Variants in MARCHF8 observed in about 807,000 individuals in gnomAD.
MARCHF8 encodes membrane associated ring-CH-type finger 8, also known as E3 ubiquitin-protein ligase MARCHF8.
Under a neutral mutation model 51.6 loss-of-function variants are expected in MARCHF8, and 40 were observed. The ratio of observed to expected loss-of-function variants is 0.77; its 90% CI spans 0.60 to 1.01. The LOEUF (loss-of-function observed/expected upper bound fraction) is 1.01. Among genes scored for constraint, MARCHF8 ranks in the 50% least tolerant of loss-of-function variants. The pLI, the probability that MARCHF8 is intolerant of heterozygous loss-of-function variation, is 0.00. For missense variants in MARCHF8, 685 were observed against 708.6 expected (o/e 0.97, Z 0.38); for synonymous variants, 263 against 280.3 (o/e 0.94, Z 0.62).
intron 2 of MARCHF8, among the ~76,000 whole-genome samples, chr10:45,508,617 T>C (rs953652388): frequency 1.3e-5 from 2 of 152,108 alleles, no homozygotes; most frequent in African/African-American, 4.8e-5. Flanking sequence ...GGAGATGGAG[T>C]TTCATTAATA....
intron 1 of MARCHF8, among the ~76,000 whole-genome samples, chr10:45,568,097 ATGCTACTGATTT>A (rs1324879013): frequency 6.6e-6 from 1 of 152,224 alleles, no homozygotes; most frequent in Non-Finnish European, 1.5e-5. Flanking sequence ...ACAAATAGAA[ATGCTACTGATTT>A]TGGTACGTTA....
At chr10:45,487,826 G>A (rs1260113560) in intron 3 of MARCHF8, among the ~76,000 whole-genome samples, 1 of 151,832 alleles carries the variant, frequency 6.6e-6, no homozygotes, top group African/African-American at 2.4e-5. Flanking sequence ...ACATTAAAAT[G>A]GCATATAATG....
At chr10:45,466,820 C>T (rs1394982534) in intron 3 of MARCHF8, among the ~76,000 whole-genome samples, 1 of 152,136 alleles carries the variant, frequency 6.6e-6, no homozygotes, top group Non-Finnish European at 1.5e-5. Context: ...TAATCCAAGT[C>T]AAAAAGTGTA....
Position 45,493,154 on chromosome 10 carries a change from T to G in MARCHF8, c.103-3737A>C, listed in dbSNP as rs577991499. ...TACATAAAGTATATCAAGGTGGAAG[T>G]GTGACACCACTCTGCCCTGTAGTCA... On this transcript the variant is annotated intron_variant, in intron 2 of 7. Coordinates refer to ENST00000453424, the MANE Select transcript of MARCHF8 (RefSeq NM_001282866.2). Among the ~76,000 whole-genome samples, 40 of 152,318 alleles carry G rather than the reference T, an allele frequency of 2.6e-4. No homozygotes were observed. In the South Asian group the frequency reaches 7.7e-3, roughly 29 times the overall value.
At chr10:45,536,547 A>G (rs1302437354), upstream of MARCHF8, among the ~76,000 whole-genome samples, 2 of 152,052 alleles carry the variant, frequency 1.3e-5, no homozygotes, top group African/African-American at 4.8e-5. Flanking sequence ...AACTCAAGAA[A>G]GGCCTGGGCA....
At chr10:45,493,474 A>C (rs1012069161) in intron 2 of MARCHF8, among the ~76,000 whole-genome samples, 6 of 152,164 alleles carry the variant, frequency 3.9e-5, no homozygotes, top group Admixed American at 6.5e-5. Flanking sequence ...TCATCTCCAC[A>C]TCTCTCTGGT....
intron 2 of MARCHF8, among the ~76,000 whole-genome samples, chr10:45,509,635 A>C (rs1232109632): frequency 6.6e-6 from 1 of 152,232 alleles, no homozygotes; most frequent in Non-Finnish European, 1.5e-5. Flanking sequence ...TCTGGAACTA[A>C]GGAACTAAGA....
intron 2 of MARCHF8, among the ~76,000 whole-genome samples, chr10:45,520,818 G>A (rs893942783): frequency 3.3e-5 from 5 of 152,150 alleles, no homozygotes; most frequent in Non-Finnish European, 1.5e-5. Flanking sequence ...AATATTTTAT[G>A]AGGATTAAAT....
At chr10:45,507,124 A>G (rs1269609374) in intron 2 of MARCHF8, among the ~76,000 whole-genome samples, 1 of 152,212 alleles carries the variant, frequency 6.6e-6, no homozygotes, top group Admixed American at 6.5e-5. Flanking sequence ...TCTCTGTGTA[A>G]TAAAAGTTAC....
intron 3 of MARCHF8, among the ~76,000 whole-genome samples, chr10:45,484,556 T>C (rs2042946773): frequency 1.3e-5 from 2 of 152,252 alleles, no homozygotes; most frequent in South Asian, 4.1e-4. Flanking sequence ...CTTCTAAAAA[T>C]ATAAGATTTT....
chr10:45,591,052 G>A (rs953928191), intron 1 of MARCHF8, among the ~76,000 whole-genome samples: 3 of 152,136 alleles, frequency 2.0e-5, no homozygotes, highest in Admixed American at 6.5e-5. Flanking sequence ...CCTTGAGAAT[G>A]TACTTTGTGA....
Position 45,533,285 on chromosome 10 carries a change from T to G in MARCHF8, c.-74A>C. 6.7e-7 allele frequency: 1 copy of G among 1,493,876 alleles called. No individual in the cohort carries two copies. The highest frequency in any genetic ancestry group is 8.9e-7 in the Non-Finnish European group (1 of 1,123,896). 92.5% of individuals were successfully genotyped at this position (1,493,876 alleles called of 1,614,324 possible). On this transcript the variant is annotated 5_prime_UTR_variant, in exon 2 of 8. An upstream open reading frame in the 5' UTR loses its in-frame stop. Transcript: ENST00000453424. ...GTAGAGTCATTTTGGGCCATGGATT[T>G]CAAGCTGAGAGAAAATGAAGAGAGA...
At chr10:45,492,572 C>T (rs998431198) in intron 2 of MARCHF8, among the ~76,000 whole-genome samples, 5 of 152,208 alleles carry the variant, frequency 3.3e-5, no homozygotes, top group Non-Finnish European at 7.3e-5. Context: ...GCTGGGATTA[C>T]AGGCGTGAGC....
Position 45,500,861 on chromosome 10 carries a change from CTA to C in MARCHF8, c.103-11446_103-11445del, listed in dbSNP as rs151117367. On this transcript the variant is annotated intron_variant, in intron 2 of 7. Transcript: ENST00000453424. ...AGACATACAAAAATTAACTGCATTG[CTA>C]TATATATATATACATATATATAACA... Among the ~76,000 whole-genome samples the C allele has an allele frequency of 3.8e-3, 571 of 150,244 alleles. 12 individuals carry two copies. The East Asian group carries it at 0.053, about 14-fold the overall frequency.
At chr10:45,541,543 C>T (rs1036495166) in intron 1 of MARCHF8, among the ~76,000 whole-genome samples, 9 of 152,058 alleles carry the variant, frequency 5.9e-5, no homozygotes, top group African/African-American at 1.7e-4. Flanking sequence ...ACGTTGTGCA[C>T]ATGTACCCTA....
At chr10:45,479,986 A>T (rs542617899) in intron 3 of MARCHF8, among the ~76,000 whole-genome samples, 1 of 152,302 alleles carries the variant, frequency 6.6e-6, no homozygotes, top group South Asian at 2.1e-4. Flanking sequence ...AATGGCTTTG[A>T]CCAAAATACT....
At chr10:45,536,119 C>G (rs1274355885), upstream of MARCHF8, among the ~76,000 whole-genome samples, 1 of 151,966 alleles carries the variant, frequency 6.6e-6, no homozygotes, top group Non-Finnish European at 1.5e-5. Context: ...TGAAAAAGAA[C>G]AAAGTTGGAG....
intron 1 of MARCHF8, among the ~76,000 whole-genome samples, chr10:45,550,841 A>G (rs1033585983): frequency 6.6e-6 from 1 of 152,232 alleles, no homozygotes; most frequent in Non-Finnish European, 1.5e-5. Flanking sequence ...TACAACCCAT[A>G]GCAGTTACCC....
intron 2 of MARCHF8, among the ~76,000 whole-genome samples, chr10:45,503,225 G>C (rs940930025): frequency 3.3e-5 from 5 of 152,086 alleles, no homozygotes; most frequent in African/African-American, 4.8e-5. Context: ...CAAATGTGGA[G>C]AACTGACTTT....
Sources: allele counts gnomAD v4.1 joint callset (sites outside exome capture counted in the v4.1 genomes callset), GRCh38; gene constraint gnomAD v4.1.1; transcripts MANE v1.5; gene names NCBI Gene and HGNC (gene_info 2026-07-23, HGNC 2026-07-21).